The following CLYBL variants were observed in gnomAD, a reference collection of about 807,000 sequenced individuals.
CLYBL encodes citramalyl-CoA lyase.
CLYBL carries 31 observed loss-of-function variants against 38.9 expected under a neutral mutation model. That is an observed-to-expected ratio of 0.80 (90% CI 0.60 to 1.08). The LOEUF is 1.08. Among genes scored for constraint, CLYBL ranks in the 50% least tolerant of loss-of-function variants. The pLI, the probability that CLYBL is intolerant of heterozygous loss-of-function variation, is 0.00. For synonymous variants in CLYBL, 171 were observed against 158.6 expected (o/e 1.08, Z -0.59); for missense variants, 434 against 411.6 (o/e 1.05, Z -0.47).
At chr13:99,691,521 T>A (rs187510635) in intron 1 of CLYBL, among the ~76,000 whole-genome samples, 25 of 152,060 alleles carry the variant, frequency 1.6e-4, no homozygotes, top group African/African-American at 4.6e-4. Context: ...CGAAAGACAT[T>A]CTTTCTAGTG....
At chr13:99,802,836 A>G (rs985846068) in intron 2 of CLYBL, among the ~76,000 whole-genome samples, 2 of 152,176 alleles carry the variant, frequency 1.3e-5, no homozygotes, top group Non-Finnish European at 2.9e-5. Context: ...TCCTGGCTGT[A>G]TATTCTACAT....
intron 1 of CLYBL, among the ~76,000 whole-genome samples, chr13:99,689,559 G>A (rs2047869650): frequency 6.6e-6 from 1 of 152,194 alleles, no homozygotes; most frequent in South Asian, 2.1e-4. Context: ...AATCCCATGT[G>A]CCCAGTCATA....
intron 2 of CLYBL, among the ~76,000 whole-genome samples, chr13:99,837,640 T>C (rs769769419): frequency 1.3e-5 from 2 of 152,232 alleles, no homozygotes; most frequent in African/African-American, 2.4e-5. Context: ...TGAGGATTCA[T>C]GGCACGTGCT....
intron 4 of CLYBL, among the ~76,000 whole-genome samples, chr13:99,864,115 T>C (rs1435829793): frequency 1.3e-5 from 2 of 152,366 alleles, no homozygotes; most frequent in African/African-American, 4.8e-5. Context: ...TTTTAAGCAC[T>C]GCTTCGCCAT....
intron 1 of CLYBL, among the ~76,000 whole-genome samples, chr13:99,640,894 T>C (rs1419881284): frequency 6.6e-6 from 1 of 152,238 alleles, no homozygotes; most frequent in Non-Finnish European, 1.5e-5. Context: ...TGGTGGACAG[T>C]GCAGATCCAA....
intron 6 of CLYBL, among the ~76,000 whole-genome samples, chr13:99,870,453 A>G (rs78740250): frequency 7.0e-6 from 1 of 143,340 alleles, no homozygotes; most frequent in African/African-American, 2.4e-5. Context: ...TGTAAGCTTT[A>G]TGAAAACCAG....
At chr13:99,714,822 G>A (rs1301412008) in intron 1 of CLYBL, among the ~76,000 whole-genome samples, 1 of 151,902 alleles carries the variant, frequency 6.6e-6, no homozygotes, top group Non-Finnish European at 1.5e-5. Flanking sequence ...GGTGGCGGGT[G>A]CCTGTAATCT....
chr13:99,627,979 G>T (rs1005106380), intron 1 of CLYBL, among the ~76,000 whole-genome samples: 2 of 152,166 alleles, frequency 1.3e-5, no homozygotes, highest in Non-Finnish European at 2.9e-5. Flanking sequence ...CAGCCCACTG[G>T]TGCTGTATTT....
intron 1 of CLYBL, among the ~76,000 whole-genome samples, chr13:99,765,105 T>C (rs2049243258): frequency 6.6e-6 from 1 of 152,174 alleles, no homozygotes; most frequent in Admixed American, 6.5e-5. Flanking sequence ...AACTCAATAT[T>C]TAGTGTTTCT....
intron 8 of CLYBL, among the ~76,000 whole-genome samples, chr13:99,903,014 A>T (rs994217089): frequency 1.3e-5 from 2 of 152,084 alleles, no homozygotes; most frequent in African/African-American, 4.8e-5. Context: ...GGATCTTTCT[A>T]TTTCCTGTGA....
chr13:99,782,798 A>T (rs2049686947), intron 2 of CLYBL, among the ~76,000 whole-genome samples: 1 of 152,010 alleles, frequency 6.6e-6, no homozygotes, highest in Non-Finnish European at 1.5e-5. Context: ...TAAAATTTCC[A>T]TTAGCAATTC....
chr13:99,844,065 G>GT (rs1465324594), intron 2 of CLYBL, among the ~76,000 whole-genome samples: 1 of 152,242 alleles, frequency 6.6e-6, no homozygotes, highest in Non-Finnish European at 1.5e-5. Context: ...TGTGGTTGCC[G>GT]TACTGGCCGG....
intron 1 of CLYBL, among the ~76,000 whole-genome samples, chr13:99,736,023 C>T (rs1415640222): frequency 6.8e-6 from 1 of 148,048 alleles, no homozygotes; most frequent in Admixed American, 6.8e-5. Flanking sequence ...TTACTATATC[C>T]TATACGTTTC....
chr13:99,662,602 AG>A (rs938388491), intron 1 of CLYBL, among the ~76,000 whole-genome samples: 1 of 146,708 alleles, frequency 6.8e-6, no homozygotes, highest in Non-Finnish European at 1.5e-5. Context: ...TAGTATTACT[AG>A]TAACAAATTT....
At chr13:99,765,691 G>T (rs953997269) in intron 1 of CLYBL, among the ~76,000 whole-genome samples, 1 of 151,814 alleles carries the variant, frequency 6.6e-6, no homozygotes, top group Non-Finnish European at 1.5e-5. Flanking sequence ...CAACAGGCAC[G>T]TGCCACAATG....
chr13:99,800,878 TA>T (rs1181483044), intron 2 of CLYBL, among the ~76,000 whole-genome samples: 3 of 127,006 alleles, frequency 2.4e-5, no homozygotes. Context: ...TGTCTCAAAT[TA>T]AAAAACAACA....
At chr13:99,815,323 T>C (rs2050422600) in intron 2 of CLYBL, among the ~76,000 whole-genome samples, 1 of 149,310 alleles carries the variant, frequency 6.7e-6, no homozygotes, top group Non-Finnish European at 1.5e-5. Context: ...GATGAGGGGA[T>C]GGATGGACCT....
At chr13:99,900,218 G>A (rs1200424867), downstream of CLYBL, among the ~76,000 whole-genome samples, 1 of 151,988 alleles carries the variant, frequency 6.6e-6, no homozygotes, top group Non-Finnish European at 1.5e-5. Context: ...TGAGCCACCT[G>A]GCCTGGCCTT....
At chr13:99,734,372 G>A (rs898548268) in intron 1 of CLYBL, among the ~76,000 whole-genome samples, 7 of 151,998 alleles carry the variant, frequency 4.6e-5, no homozygotes, top group Non-Finnish European at 8.8e-5. Flanking sequence ...ATCAGCATAG[G>A]GGGAATAAGA....
Sources: gnomAD v4.1 joint callset for allele counts (sites outside exome capture counted in the v4.1 genomes callset) on GRCh38, gnomAD v4.1.1 for gene constraint, MANE v1.5 for transcripts, NCBI Gene and HGNC (gene_info 2026-07-23, HGNC 2026-07-21) for gene names.